Variants in KCNH8 observed in about 807,000 individuals in gnomAD.
The protein encoded by KCNH8 is potassium voltage-gated channel subfamily H member 8, also known as voltage-gated delayed rectifier potassium channel KCNH8.
Under a neutral mutation model 103.6 loss-of-function variants are expected in KCNH8, and 70 were observed. That is an observed-to-expected ratio of 0.68 (90% confidence interval 0.56 to 0.82). The LOEUF is 0.82. KCNH8 is among the 40% of genes least tolerant of loss of function. KCNH8 has a pLI of 0.00. For synonymous variants in KCNH8, 498 were observed against 489.4 expected, an observed-to-expected ratio of 1.02 and a Z score of -0.23; for missense variants, 1,217 against 1,329.9, an observed-to-expected ratio of 0.92 and a Z score of 1.32.
At chr3:19,531,312 G>A (rs1012312022) in intron 15 of KCNH8, among the ~76,000 whole-genome samples, 1 of 152,206 alleles carries the variant, frequency 6.6e-6, no homozygotes, top group Non-Finnish European at 1.5e-5. Flanking sequence ...AATGTAGGTA[G>A]TGCAAAGATC....
intron 3 of KCNH8, among the ~76,000 whole-genome samples, chr3:19,293,969 T>C (rs921206851): frequency 6.6e-6 from 1 of 152,182 alleles, no homozygotes; most frequent in African/African-American, 2.4e-5. Flanking sequence ...ATCAAAATTA[T>C]AAAAGCTGCA....
At chr3:19,165,529 TC>T (rs1321327464) in intron 1 of KCNH8, among the ~76,000 whole-genome samples, 1 of 152,194 alleles carries the variant, frequency 6.6e-6, no homozygotes, top group Non-Finnish European at 1.5e-5. Flanking sequence ...CTCTCAATTC[TC>T]CAACACCAGT....
At chr3:19,292,029 A>T (rs2064935642) in intron 3 of KCNH8, among the ~76,000 whole-genome samples, 1 of 152,202 alleles carries the variant, frequency 6.6e-6, no homozygotes, top group Non-Finnish European at 1.5e-5. Flanking sequence ...CATTTGTGTC[A>T]ATTTTCCAAA....
chr3:19,448,363 C>T (rs1397740526), intron 8 of KCNH8, among the ~76,000 whole-genome samples: 1 of 151,958 alleles, frequency 6.6e-6, no homozygotes, highest in Non-Finnish European at 1.5e-5. Flanking sequence ...CATTATATTG[C>T]TTCTTGTATA....
intron 5 of KCNH8, among the ~76,000 whole-genome samples, chr3:19,358,602 A>G (rs887275351): frequency 5.3e-5 from 8 of 152,028 alleles, no homozygotes; most frequent in African/African-American, 1.9e-4. Context: ...CTAAATAAAA[A>G]CAAGTTATAA....
At chr3:19,398,010 C>A (rs915448962) in intron 7 of KCNH8, among the ~76,000 whole-genome samples, 4 of 151,900 alleles carry the variant, frequency 2.6e-5, no homozygotes, top group Non-Finnish European at 4.4e-5. Flanking sequence ...GTCCAATTAT[C>A]ATGAATCCAA....
At chr3:19,427,191 T>TA (rs997551054) in intron 7 of KCNH8, among the ~76,000 whole-genome samples, 17 of 152,204 alleles carry the variant, frequency 1.1e-4, no homozygotes, top group African/African-American at 2.7e-4. Context: ...ACAGTGCTTT[T>TA]AAAAAAACCA....
intron 1 of KCNH8, among the ~76,000 whole-genome samples, chr3:19,153,058 C>G (rs2063146069): frequency 1.3e-5 from 2 of 152,118 alleles, no homozygotes; most frequent in Admixed American, 6.5e-5. Flanking sequence ...ACATAGACCT[C>G]TTAATGTTAG....
intron 2 of KCNH8, among the ~76,000 whole-genome samples, chr3:19,263,369 A>G (rs1309523566): frequency 6.6e-6 from 1 of 152,100 alleles, no homozygotes; most frequent in African/African-American, 2.4e-5. Context: ...CAATAACTAT[A>G]TCTTACAATT....
At chr3:19,429,016 A>G (rs1245124717) in intron 7 of KCNH8, among the ~76,000 whole-genome samples, 3 of 152,060 alleles carry the variant, frequency 2.0e-5, no homozygotes, top group African/African-American at 7.2e-5. Context: ...TGTTTACTTC[A>G]AGGCCAATCG....
intron 11 of KCNH8, among the ~76,000 whole-genome samples, chr3:19,509,849 G>A (rs773205714): frequency 5.3e-5 from 8 of 152,056 alleles, no homozygotes; most frequent in Non-Finnish European, 7.4e-5. Context: ...GCCTATGAGC[G>A]TTCAGGCAAA....
chr3:19,395,146 C>G lies in KCNH8; in HGVS notation c.1012C>G (p.Leu338Val). ...HLLKTVRLLR[L>V]LRLLQKLDRY... is the part of the protein sequence containing the mutation. ...TCTAAAGACAGTGCGCCTCTTGCGT[C>G]TTTTGCGTCTGCTGCAGAAGTTAGA... Residue 338 changes from leucine to valine, a missense_variant, in exon 7 of 16, where the codon CTT becomes GTT. This residue lies in a region of KCNH8 where 415 missense variants were observed against 577.4 expected (regional missense o/e 0.72). Coordinates refer to ENST00000328405, the MANE Select transcript of KCNH8 (RefSeq NM_144633.3). 6.2e-7 allele frequency: 1 copy of G among 1,611,620 alleles called. No individual in the cohort carries two copies. The highest frequency in any genetic ancestry group is 1.1e-5 in the South Asian group (1 of 90,716).
chr3:19,475,089 C>G (rs750565347), intron 11 of KCNH8, among the ~76,000 whole-genome samples: 2 of 148,520 alleles, frequency 1.3e-5, no homozygotes, highest in Non-Finnish European at 2.9e-5. Context: ...TAAACAAGCA[C>G]AGTTTGATCC....
chr3:19,304,067 C>G (rs1377955593), intron 3 of KCNH8, among the ~76,000 whole-genome samples: 1 of 152,074 alleles, frequency 6.6e-6, no homozygotes, highest in African/African-American at 2.4e-5. Context: ...GTTTATATCC[C>G]AAATGTTAAG....
intron 7 of KCNH8, among the ~76,000 whole-genome samples, chr3:19,401,639 G>T (rs1052719633): frequency 6.6e-6 from 1 of 151,848 alleles, no homozygotes; most frequent in Admixed American, 6.6e-5. Context: ...TTGTCGTAAG[G>T]AGCAAATGGT....
intron 11 of KCNH8, among the ~76,000 whole-genome samples, chr3:19,466,941 G>A (rs946482384): frequency 2.0e-5 from 3 of 152,034 alleles, no homozygotes; most frequent in African/African-American, 4.8e-5. Context: ...GATTACAGGC[G>A]TGAGCCACTG....
intron 4 of KCNH8, among the ~76,000 whole-genome samples, chr3:19,344,554 G>A (rs1195681461): frequency 1.3e-5 from 2 of 152,020 alleles, no homozygotes; most frequent in African/African-American, 4.8e-5. Flanking sequence ...AATACTACAG[G>A]TAATATCTTA....
At chr3:19,323,206 T>C (rs2065374157) in intron 3 of KCNH8, among the ~76,000 whole-genome samples, 1 of 152,102 alleles carries the variant, frequency 6.6e-6, no homozygotes, top group East Asian at 1.9e-4. Flanking sequence ...TCCCGGCACT[T>C]TGGGAGGCTG....
chr3:19,365,061 A>G (rs1254677744), intron 5 of KCNH8, among the ~76,000 whole-genome samples: 3 of 152,142 alleles, frequency 2.0e-5, no homozygotes, highest in Non-Finnish European at 4.4e-5. Context: ...TTTATTCACC[A>G]TCACTTTCTA....
Sources: gnomAD v4.1 joint callset for allele counts (sites outside exome capture counted in the v4.1 genomes callset) on GRCh38, gnomAD v4.1.1 for gene constraint, gnomAD v4.1.1 regional missense constraint, MANE v1.5 for transcripts, NCBI Gene and HGNC (gene_info 2026-07-23, HGNC 2026-07-21) for gene names.